Variants in DLGAP1 observed in about 807,000 individuals in gnomAD.
DLGAP1 encodes disks large-associated protein 1.
A neutral mutation model predicts 90.8 loss-of-function variants in DLGAP1; 11 were observed. The observed-to-expected ratio is 0.12, with a 90% CI of 0.08 to 0.20. The LOEUF (loss-of-function observed/expected upper bound fraction) is 0.20. DLGAP1 is among the 10% of genes least tolerant of loss of function. The pLI, the probability that DLGAP1 is intolerant of heterozygous loss-of-function variation, is 1.00. For missense variants in DLGAP1, 1,050 were observed against 1,333.8 expected (o/e 0.79, Z 3.31); for synonymous variants, 558 against 540.7 (o/e 1.03, Z -0.44).
chr18:4,395,013 T>C (rs2082411199), intron 1 of DLGAP1, among the ~76,000 whole-genome samples: 1 of 152,186 alleles, frequency 6.6e-6, no homozygotes, highest in Non-Finnish European at 1.5e-5. Flanking sequence ...AAAATGGTGT[T>C]TGAACAAAGG....
At chr18:3,557,004 T>C (rs2053789642) in intron 9 of DLGAP1, among the ~76,000 whole-genome samples, 1 of 152,220 alleles carries the variant, frequency 6.6e-6, no homozygotes, top group Admixed American at 6.5e-5. Flanking sequence ...GTTTTGTTGA[T>C]TTTTCTCTAC....
At chr18:4,133,587 G>A (rs1413383353) in intron 2 of DLGAP1, among the ~76,000 whole-genome samples, 1 of 152,108 alleles carries the variant, frequency 6.6e-6, no homozygotes, top group Non-Finnish European at 1.5e-5. Flanking sequence ...TCTGGTTTTG[G>A]AGTTAGACAC....
Position 4,100,531 on chromosome 18 carries a change from T to C in DLGAP1, c.-159+50649A>G, listed in dbSNP as rs367848487. On this transcript the variant is annotated intron_variant, in intron 2 of 12. Transcript: ENST00000315677. ...GATATTCAGAATAGTAAATGCGCAT[T>C]GGCTTCAACTTAAAGTCACCAGCTG... Among the ~76,000 whole-genome samples the C allele has an allele frequency of 2.6e-4, 39 of 152,178 alleles. 3 individuals are homozygous for C. The highest frequency in any genetic ancestry group is 9.2e-4 in the Admixed American group (14 of 15,296).
rs1391995534 is a variant in DLGAP1 at position 3,498,752 on chromosome 18, A to G, written c.*433T>C. On this transcript the variant is annotated 3_prime_UTR_variant, in exon 13 of 13. Transcript: ENST00000315677. The stretch of plus-strand genomic sequence containing the variant: ...GGGAATCGGAGGCCTAGTTTCTTTC[A>G]CGTGGAAGACGGTAAGTCCCAAAGG... The G allele has an allele frequency of 6.1e-6, 1 of 162,630 alleles. No individual in the cohort carries two copies. The highest frequency in any genetic ancestry group is 1.3e-5 in the Non-Finnish European group (1 of 75,258). The allele number at this position is 162,630 out of a possible 1,614,324, so 10.1% of individuals were successfully genotyped here. A position where few individuals can be genotyped will look rare whatever the true frequency, so the allele number is the denominator to read the frequency against.
At chr18:3,961,342 T>G (rs1231676833) in intron 3 of DLGAP1, among the ~76,000 whole-genome samples, 1 of 152,172 alleles carries the variant, frequency 6.6e-6, no homozygotes, top group African/African-American at 2.4e-5. Context: ...AATTGCTATG[T>G]CTGGTTGGCT....
At chr18:4,218,003 G>A (rs998378313) in intron 1 of DLGAP1, among the ~76,000 whole-genome samples, 5 of 149,538 alleles carry the variant, frequency 3.3e-5, no homozygotes, top group South Asian at 2.1e-4. Flanking sequence ...AGTCATGTAC[G>A]TTTTTCCCTC....
chr18:4,204,963 C>T (rs1399870692), intron 1 of DLGAP1, among the ~76,000 whole-genome samples: 1 of 151,692 alleles, frequency 6.6e-6, no homozygotes, highest in African/African-American at 2.4e-5. Flanking sequence ...TATTAACTAT[C>T]CATCATACAT....
chr18:3,634,283 G>T (rs760502974), intron 7 of DLGAP1, among the ~76,000 whole-genome samples: 1 of 151,862 alleles, frequency 6.6e-6, no homozygotes, highest in Non-Finnish European at 1.5e-5. Flanking sequence ...TTAATTAAAA[G>T]GTGAATCTTT....
intron 3 of DLGAP1, among the ~76,000 whole-genome samples, chr18:3,989,790 AAAAC>A (rs1417761123): frequency 1.3e-5 from 2 of 152,310 alleles, no homozygotes; most frequent in East Asian, 3.9e-4. Flanking sequence ...TTACAAGAAA[AAAAC>A]AAACAACCCC....
At chr18:4,410,644 C>T (rs915588650) in intron 1 of DLGAP1, among the ~76,000 whole-genome samples, 17 of 151,690 alleles carry the variant, frequency 1.1e-4, no homozygotes, top group Admixed American at 1.1e-3. Flanking sequence ...ACAGTATCCG[C>T]TGATCCAGCA....
At chr18:3,805,719 C>T (rs2066530163) in intron 5 of DLGAP1, among the ~76,000 whole-genome samples, 1 of 152,184 alleles carries the variant, frequency 6.6e-6, no homozygotes, top group South Asian at 2.1e-4. Context: ...GTCTTAGACT[C>T]TTTAGGCTGT....
chr18:4,204,608 G>T (rs1415681653), intron 1 of DLGAP1, among the ~76,000 whole-genome samples: 1 of 151,886 alleles, frequency 6.6e-6, no homozygotes, highest in African/African-American at 2.4e-5. Flanking sequence ...TCCAGGCAAA[G>T]TGTTTTATTC....
intron 1 of DLGAP1, among the ~76,000 whole-genome samples, chr18:4,286,326 C>G (rs1261500105): frequency 6.6e-6 from 1 of 152,106 alleles, no homozygotes; most frequent in Non-Finnish European, 1.5e-5. Flanking sequence ...GAGGCAGACC[C>G]CTCACTACAA....
At chr18:4,361,923 G>T (rs560816511) in intron 1 of DLGAP1, among the ~76,000 whole-genome samples, 1 of 152,034 alleles carries the variant, frequency 6.6e-6, no homozygotes, top group African/African-American at 2.4e-5. Flanking sequence ...GTATGCAAAG[G>T]ACTTAGATAG....
chr18:3,963,856 C>A (rs2073261269), intron 3 of DLGAP1, among the ~76,000 whole-genome samples: 2 of 152,078 alleles, frequency 1.3e-5, no homozygotes. Context: ...ATTTCGAAGA[C>A]TTTGTACAAA....
chr18:3,964,682 G>A (rs373095158), intron 3 of DLGAP1, among the ~76,000 whole-genome samples: 5 of 152,158 alleles, frequency 3.3e-5, no homozygotes, highest in Admixed American at 1.3e-4. Context: ...TTCTATACAC[G>A]AAGGCCTAAC....
At chr18:3,907,193 G>A (rs536317223) in intron 3 of DLGAP1, among the ~76,000 whole-genome samples, 1 of 152,144 alleles carries the variant, frequency 6.6e-6, no homozygotes, top group Non-Finnish European at 1.5e-5. Context: ...TCGGGTGACT[G>A]CAGTTTACTT....
At chr18:3,853,948 G>T (rs901345092) in intron 4 of DLGAP1, among the ~76,000 whole-genome samples, 1 of 151,736 alleles carries the variant, frequency 6.6e-6, no homozygotes, top group Non-Finnish European at 1.5e-5. Flanking sequence ...CCTCCTTGGT[G>T]ACTTTACTCA....
intron 7 of DLGAP1, among the ~76,000 whole-genome samples, chr18:3,662,723 G>A (rs2146619662): frequency 6.6e-6 from 1 of 152,326 alleles, no homozygotes; most frequent in African/African-American, 2.4e-5. Flanking sequence ...AGCAGGACTC[G>A]GCCCTCCAGC....
Sources: gnomAD v4.1 joint callset for allele counts (sites outside exome capture counted in the v4.1 genomes callset) on GRCh38, gnomAD v4.1.1 for gene constraint, MANE v1.5 for transcripts, NCBI Gene and HGNC (gene_info 2026-07-23, HGNC 2026-07-21) for gene names.